The following CACNB4 variants were observed in gnomAD, a reference collection of about 807,000 sequenced individuals.
CACNB4 encodes the protein calcium voltage-gated channel auxiliary subunit beta 4.
A neutral mutation model predicts 71.2 loss-of-function variants in CACNB4; 32 were observed. The observed-to-expected ratio is 0.45, with a 90% confidence interval of 0.34 to 0.60. CACNB4 has a LOEUF of 0.60. Ranked by LOEUF, CACNB4 falls within the 20% of genes least tolerant of loss-of-function variation. CACNB4 has a pLI of 0.01. For missense variants in CACNB4, 464 were observed against 647.9 expected (o/e 0.72, Z 3.08); for synonymous variants, 231 against 236.9 (o/e 0.97, Z 0.23).
At chr2:152,062,742 T>C (rs1686089583) in intron 2 of CACNB4, among the ~76,000 whole-genome samples, 1 of 152,152 alleles carries the variant, frequency 6.6e-6, no homozygotes. Flanking sequence ...ACGGGAAGCA[T>C]TTGGCAGAGG....
At chr2:151,986,881 C>T (rs746559093) in intron 2 of CACNB4, among the ~76,000 whole-genome samples, 9 of 152,018 alleles carry the variant, frequency 5.9e-5, no homozygotes, top group Non-Finnish European at 8.8e-5. Flanking sequence ...TACAAATCAC[C>T]GGTATAAGAA....
chr2:151,842,170 T>C, intron 12 of CACNB4, 82 bp from the exon 13 acceptor site: 1 of 1,161,572 alleles, frequency 8.6e-7, no homozygotes, highest in Middle Eastern at 2.7e-4. Flanking sequence ...ACACAGATAA[T>C]AGCATTTTTA....
chr2:152,019,480 C>A (rs979316764), intron 2 of CACNB4, among the ~76,000 whole-genome samples: 1 of 151,804 alleles, frequency 6.6e-6, no homozygotes, highest in African/African-American at 2.4e-5. Flanking sequence ...CTACTCAGTA[C>A]ATGTTTAATT....
intron 3 of CACNB4, among the ~76,000 whole-genome samples, chr2:151,882,201 T>C (rs2099848077): frequency 7.0e-6 from 1 of 142,504 alleles, no homozygotes; most frequent in Admixed American, 7.0e-5. Flanking sequence ...TTTTTTTTTT[T>C]TTTTTTTGGT....
intron 2 of CACNB4, among the ~76,000 whole-genome samples, chr2:152,053,623 A>G (rs1222124566): frequency 6.6e-6 from 1 of 151,076 alleles, no homozygotes; most frequent in African/African-American, 2.4e-5. Context: ...TCCTGAGCTC[A>G]AGAGATCCTC....
intron 2 of CACNB4, chr2:151,970,328 A>T (rs1343896848): frequency 3.3e-5 from 5 of 152,198 alleles, no homozygotes; most frequent in African/African-American, 1.2e-4. Context: ...GTGTAGCAAT[A>T]TATTAACAAT....
chr2:151,973,482 A>T, intron 2 of CACNB4: 1 of 595,282 alleles, frequency 1.7e-6, no homozygotes, highest in Non-Finnish European at 3.0e-6. Context: ...TTGACAATAA[A>T]TAATTTTAGT....
chr2:152,011,547 G>A (rs1015487460), intron 2 of CACNB4, among the ~76,000 whole-genome samples: 1 of 152,246 alleles, frequency 6.6e-6, no homozygotes, highest in South Asian at 2.1e-4. Flanking sequence ...AACATACCTG[G>A]GTAGAATATC....
At chr2:151,975,571 G>C (rs572551020) in intron 2 of CACNB4, among the ~76,000 whole-genome samples, 1 of 152,276 alleles carries the variant, frequency 6.6e-6, no homozygotes, top group African/African-American at 2.4e-5. Context: ...GGATTCCATA[G>C]AGAGAAACCC....
chr2:151,848,759 A>G (rs2099838262), intron 12 of CACNB4, among the ~76,000 whole-genome samples: 1 of 152,208 alleles, frequency 6.6e-6, no homozygotes, highest in Admixed American at 6.5e-5. Flanking sequence ...TGGGTAACAC[A>G]AGCCAGATTG....
At chr2:151,956,812 T>G (rs1054596956) in intron 2 of CACNB4, among the ~76,000 whole-genome samples, 1 of 152,206 alleles carries the variant, frequency 6.6e-6, no homozygotes, top group East Asian at 1.9e-4. Flanking sequence ...TCAATATAGC[T>G]GAGTGTCTCA....
chr2:151,980,169 T>A (rs958683434), intron 2 of CACNB4, among the ~76,000 whole-genome samples: 1 of 152,200 alleles, frequency 6.6e-6, no homozygotes, highest in African/African-American at 2.4e-5. Context: ...ATAATAAGCA[T>A]CCATAAATGC....
intron 2 of CACNB4, among the ~76,000 whole-genome samples, chr2:151,940,589 T>C (rs548050221): frequency 5.3e-5 from 8 of 152,322 alleles, no homozygotes; most frequent in African/African-American, 1.9e-4. Flanking sequence ...AGGTTCAACA[T>C]ATACTAACAG....
intron 4 of CACNB4, among the ~76,000 whole-genome samples, chr2:151,876,815 AC>A (rs370264350): frequency 4.1e-5 from 6 of 146,434 alleles, no homozygotes; most frequent in African/African-American, 5.0e-5. Flanking sequence ...ACTATATTAT[AC>A]TATACATTTT....
At chr2:152,022,812 C>T (rs1208461424) in intron 2 of CACNB4, among the ~76,000 whole-genome samples, 1 of 152,184 alleles carries the variant, frequency 6.6e-6, no homozygotes, top group Non-Finnish European at 1.5e-5. Flanking sequence ...CACAACTCTC[C>T]TACTTGATCA....
intron 2 of CACNB4, among the ~76,000 whole-genome samples, chr2:152,010,262 A>G (rs929321185): frequency 6.6e-6 from 1 of 152,224 alleles, no homozygotes. Flanking sequence ...TAGTCATAAT[A>G]AAGTTTTACA....
Position 151,993,976 on chromosome 2 carries a change from A to G in CACNB4, c.147+104354T>C, listed in dbSNP as rs186361667. Reference sequence around the variant, plus strand: ...TGCTTGAGCCCAGGAGTTTGAGACCAGCCTGGATAACATGGCAAGACCCTA... The same window carrying G: ...TGCTTGAGCCCAGGAGTTTGAGACCGGCCTGGATAACATGGCAAGACCCTA... On this transcript the variant is annotated intron_variant, in intron 2 of 13. Coordinates refer to ENST00000539935, the MANE Select transcript of CACNB4 (RefSeq NM_000726.5). Among the ~76,000 whole-genome samples, 685 of 151,798 alleles carry G rather than the reference A, an allele frequency of 4.5e-3. 5 individuals carry two copies. Among genetic ancestry groups the G allele is most frequent in the Non-Finnish European group, 7.6e-3 (517 of 67,918 alleles).
Position 151,839,086 on chromosome 2 carries a change from G to A in CACNB4, c.*33C>T. On this transcript the variant is annotated 3_prime_UTR_variant, in exon 14 of 14. Transcript: ENST00000539935. ...TATCCTAGCACTGCTATGGCAAATT[G>A]TCAACAGATGAATATTTTTTGTTTC... The A allele has an allele frequency of 6.3e-7, 1 of 1,587,086 alleles. No homozygotes were observed. The highest frequency in any genetic ancestry group is 8.6e-7 in the Non-Finnish European group (1 of 1,162,070).
chr2:151,931,286 T>C (rs2099861569), intron 2 of CACNB4, among the ~76,000 whole-genome samples: 1 of 152,162 alleles, frequency 6.6e-6, no homozygotes, highest in Non-Finnish European at 1.5e-5. Context: ...TGGAATACAG[T>C]ATCTGGAAGC....
Sources: gnomAD v4.1 joint callset for allele counts (sites outside exome capture counted in the v4.1 genomes callset) on GRCh38, gnomAD v4.1.1 for gene constraint, MANE v1.5 for transcripts, NCBI Gene and HGNC (gene_info 2026-07-23, HGNC 2026-07-21) for gene names.